The following PTPRD variants were observed in gnomAD, a reference collection of about 807,000 sequenced individuals.
PTPRD encodes the protein protein tyrosine phosphatase receptor type D.
PTPRD carries 34 observed loss-of-function variants against 214.5 expected under a neutral mutation model. That is an observed-to-expected ratio of 0.16 (90% CI 0.12 to 0.21). The LOEUF (loss-of-function observed/expected upper bound fraction) is 0.21, where lower values mean the gene tolerates loss of function less well. PTPRD is among the 10% of genes least tolerant of loss of function. The probability of loss-of-function intolerance (pLI) is 1.00; values close to 1 mark genes in which losing one functional copy is unlikely to be tolerated. For missense variants in PTPRD, 2,545 were observed against 2,398.7 expected (o/e 1.06, Z -1.27); for synonymous variants, 1,128 against 845.7 (o/e 1.33, Z -5.79).
chr9:8,386,643 C>T (rs560880238), intron 37 of PTPRD, among the ~76,000 whole-genome samples: 2 of 152,284 alleles, frequency 1.3e-5, no homozygotes, highest in Non-Finnish European at 1.5e-5. Context: ...TGAAAATTCA[C>T]TGAGTCCCAA....
intron 3 of PTPRD, among the ~76,000 whole-genome samples, chr9:10,310,522 T>G (rs2096240648): frequency 6.6e-6 from 1 of 151,958 alleles, no homozygotes; most frequent in Non-Finnish European, 1.5e-5. Flanking sequence ...TGATGAGGAA[T>G]GTAATGTTTC....
chr9:10,466,623 C>CAAAAAAAAAAAAAAAAAA (rs66705572), intron 2 of PTPRD, among the ~76,000 whole-genome samples: 1 of 76,874 alleles, frequency 1.3e-5, no homozygotes, highest in African/African-American at 5.8e-5. Flanking sequence ...AACTCCAACT[C>CAAAAAAAAAAAAAAAAAA]AAAAAAAAAA....
At chr9:8,430,505 G>A (rs2094973340) in intron 35 of PTPRD, among the ~76,000 whole-genome samples, 1 of 151,066 alleles carries the variant, frequency 6.6e-6, no homozygotes, top group Non-Finnish European at 1.5e-5. Flanking sequence ...TCAAACTCCT[G>A]GACTCAAGCG....
At chr9:8,495,037 T>TA (rs143818013) in intron 26 of PTPRD, among the ~76,000 whole-genome samples, 2,793 of 151,832 alleles carry the variant, frequency 0.018, 79 homozygotes, top group African/African-American at 0.063. Flanking sequence ...TCTCTAATCT[T>TA]AAAAAAGAAA....
intron 2 of PTPRD, among the ~76,000 whole-genome samples, chr9:10,392,388 AC>A (rs1348479944): frequency 6.6e-6 from 1 of 151,582 alleles, no homozygotes; most frequent in Non-Finnish European, 1.5e-5. Context: ...ATTCCCCATT[AC>A]CAAGAATCAA....
At chr9:10,520,297 C>T (rs988361845) in intron 2 of PTPRD, among the ~76,000 whole-genome samples, 2 of 152,072 alleles carry the variant, frequency 1.3e-5, no homozygotes, top group Non-Finnish European at 1.5e-5. Flanking sequence ...AAAATCAAAC[C>T]AACCACATTT....
intron 9 of PTPRD, among the ~76,000 whole-genome samples, chr9:9,362,856 T>G (rs2056669249): frequency 6.6e-6 from 1 of 151,332 alleles, no homozygotes; most frequent in African/African-American, 2.4e-5. Context: ...GAGAATTCAC[T>G]TTTAAAAGAA....
Position 9,756,316 on chromosome 9 carries a change from A to G in PTPRD, c.-326+10494T>C, listed in dbSNP as rs552629968. On this transcript the variant is annotated intron_variant, in intron 6 of 45. Coordinates refer to ENST00000381196, the MANE Select transcript of PTPRD (RefSeq NM_002839.4). Reference sequence around the variant, plus strand: ...GCCTCTTGTGATGACTTTGATCCACACTTCCTGGAGAGTGCTTGCTAGAAC... The same window carrying G: ...GCCTCTTGTGATGACTTTGATCCACGCTTCCTGGAGAGTGCTTGCTAGAAC... Among the ~76,000 whole-genome samples, 3 of 152,206 alleles carry G rather than the reference A, an allele frequency of 2.0e-5. No homozygotes were observed. The South Asian group carries it at 6.2e-4, about 32-fold the overall frequency.
At chr9:9,735,004 CAATA>C (rs751294445) in intron 6 of PTPRD, among the ~76,000 whole-genome samples, 1 of 151,974 alleles carries the variant, frequency 6.6e-6, no homozygotes, top group Admixed American at 6.6e-5. Context: ...CTGGCTATGA[CAATA>C]ATTAGTTCTG....
intron 5 of PTPRD, among the ~76,000 whole-genome samples, chr9:9,839,165 T>C (rs2057651112): frequency 1.3e-5 from 2 of 152,188 alleles, no homozygotes; most frequent in Non-Finnish European, 2.9e-5. Context: ...TTTTGGTTAC[T>C]GTAGCCTTGT....
chr9:8,756,661 T>C (rs1395023265), intron 11 of PTPRD, among the ~76,000 whole-genome samples: 1 of 152,100 alleles, frequency 6.6e-6, no homozygotes, highest in Non-Finnish European at 1.5e-5. Context: ...TGCTTAGGAA[T>C]TTCCAAGGTA....
At chr9:8,411,381 G>A (rs893115785) in intron 35 of PTPRD, among the ~76,000 whole-genome samples, 1 of 151,956 alleles carries the variant, frequency 6.6e-6, no homozygotes, top group African/African-American at 2.4e-5. Context: ...TTGGCTCACT[G>A]CAACCTCTGC....
At chr9:8,597,045 C>T (rs1594866300) in intron 14 of PTPRD, among the ~76,000 whole-genome samples, 1 of 151,994 alleles carries the variant, frequency 6.6e-6, no homozygotes. Flanking sequence ...TAGATTTGCT[C>T]AAATAAATCA....
At chr9:10,363,075 G>A (rs867946509) in intron 2 of PTPRD, among the ~76,000 whole-genome samples, 1 of 152,076 alleles carries the variant, frequency 6.6e-6, no homozygotes, top group Non-Finnish European at 1.5e-5. Flanking sequence ...GTTTAGTTTT[G>A]ATTCTCCAGC....
chr9:10,299,277 C>A (rs2095789687), intron 3 of PTPRD, among the ~76,000 whole-genome samples: 1 of 152,088 alleles, frequency 6.6e-6, no homozygotes, highest in Non-Finnish European at 1.5e-5. Flanking sequence ...ATATTTTGGA[C>A]TATTGTCTAT....
At chr9:9,256,400 C>T (rs779353562) in intron 9 of PTPRD, among the ~76,000 whole-genome samples, 5 of 151,886 alleles carry the variant, frequency 3.3e-5, no homozygotes, top group Non-Finnish European at 5.9e-5. Flanking sequence ...TTGGTCCTTA[C>T]ATTTTTTTTC....
chr9:8,702,582 G>A (rs572963013), intron 12 of PTPRD, among the ~76,000 whole-genome samples: 15 of 152,210 alleles, frequency 9.9e-5, no homozygotes, highest in African/African-American at 3.1e-4. Flanking sequence ...TTCTCCCTGG[G>A]TCTTTAAGAA....
At chr9:8,552,476 G>C (rs1442306898) in intron 14 of PTPRD, among the ~76,000 whole-genome samples, 1 of 152,158 alleles carries the variant, frequency 6.6e-6, no homozygotes, top group Non-Finnish European at 1.5e-5. Flanking sequence ...AAAGAGGACA[G>C]AGGCATTCAC....
intron 5 of PTPRD, among the ~76,000 whole-genome samples, chr9:9,849,899 A>G (rs1369774542): frequency 6.6e-6 from 1 of 152,164 alleles, no homozygotes; most frequent in Non-Finnish European, 1.5e-5. Flanking sequence ...AAGTCAAGGA[A>G]GAGCATGGTC....
Sources: allele counts gnomAD v4.1 joint callset (sites outside exome capture counted in the v4.1 genomes callset), GRCh38; gene constraint gnomAD v4.1.1; transcripts MANE v1.5; gene names NCBI Gene and HGNC (gene_info 2026-07-23, HGNC 2026-07-21).